WWOX: variants seen among roughly 807,000 people sequenced by gnomAD.
WWOX encodes WW domain containing oxidoreductase.
Under a neutral mutation model 46.2 loss-of-function variants are expected in WWOX, and 69 were observed. The observed-to-expected ratio is 1.49, with a 90% CI of 1.23 to 1.82. The LOEUF (loss-of-function observed/expected upper bound fraction) is 1.82. Ranked by LOEUF, WWOX falls within the 40% of genes most tolerant of loss-of-function variation. The pLI, the probability that WWOX is intolerant of heterozygous loss-of-function variation, is 0.00. For missense variants in WWOX, 919 were observed against 542.6 expected (o/e 1.69, Z -6.89); for synonymous variants, 359 against 202.6 (o/e 1.77, Z -6.56).
At chr16:78,508,236 C>T (rs925511881) in intron 8 of WWOX, among the ~76,000 whole-genome samples, 1 of 150,854 alleles carries the variant, frequency 6.6e-6, no homozygotes, top group Non-Finnish European at 1.5e-5. Flanking sequence ...GTCTTGAACT[C>T]CTGATCTCAG....
chr16:78,570,051 A>T (rs1250783434), intron 8 of WWOX, among the ~76,000 whole-genome samples: 2 of 152,224 alleles, frequency 1.3e-5, no homozygotes. Flanking sequence ...TATAAATATA[A>T]AGAAAATACA....
At chr16:78,188,375 C>A (rs1239659404) in intron 5 of WWOX, among the ~76,000 whole-genome samples, 1 of 151,702 alleles carries the variant, frequency 6.6e-6, no homozygotes, top group Non-Finnish European at 1.5e-5. Context: ...GTAGTCCCAG[C>A]TACTCGGGAG....
At chr16:78,177,783 C>A (rs570452544) in intron 5 of WWOX, among the ~76,000 whole-genome samples, 2 of 152,222 alleles carry the variant, frequency 1.3e-5, no homozygotes, top group South Asian at 4.2e-4. Context: ...GCTGAATTAG[C>A]GAGGGGAGTG....
chr16:79,001,929 C>G (rs2047100913), intron 8 of WWOX, among the ~76,000 whole-genome samples: 1 of 151,824 alleles, frequency 6.6e-6, no homozygotes, highest in Non-Finnish European at 1.5e-5. Context: ...CATAGTGAGA[C>G]TGGAGGGAAG....
chr16:78,518,492 A>G (rs1310480022), intron 8 of WWOX, among the ~76,000 whole-genome samples: 4 of 152,176 alleles, frequency 2.6e-5, no homozygotes, highest in African/African-American at 9.7e-5. Flanking sequence ...AATTGCTGGG[A>G]TTACAGACGT....
At chr16:79,180,995 A>G (rs1271248776) in intron 8 of WWOX, among the ~76,000 whole-genome samples, 1 of 152,190 alleles carries the variant, frequency 6.6e-6, no homozygotes, top group Non-Finnish European at 1.5e-5. Context: ...CTGATTTTTT[A>G]GCGTATTAGA....
intron 8 of WWOX, among the ~76,000 whole-genome samples, chr16:78,442,569 T>A (rs13333164): frequency 0.063 from 9,520 of 152,220 alleles, 460 homozygotes; most frequent in South Asian, 0.16. Context: ...TGCGCCTGGC[T>A]TATTTTACGA....
chr16:78,483,604 C>T (rs903298384), intron 8 of WWOX, among the ~76,000 whole-genome samples: 2 of 152,028 alleles, frequency 1.3e-5, no homozygotes, highest in South Asian at 2.1e-4. Context: ...TAACCTTTGA[C>T]CCCCTTCACA....
intron 8 of WWOX, among the ~76,000 whole-genome samples, chr16:78,734,247 T>A (rs189458498): frequency 6.6e-6 from 1 of 152,190 alleles, no homozygotes; most frequent in Non-Finnish European, 1.5e-5. Context: ...TGGTTTTTTT[T>A]ATAAGTGCAA....
chr16:78,777,795 C>T (rs2050227990), intron 8 of WWOX, among the ~76,000 whole-genome samples: 1 of 152,042 alleles, frequency 6.6e-6, no homozygotes, highest in South Asian at 2.1e-4. Flanking sequence ...GCCTGTAATC[C>T]CAGCACTTTG....
chr16:79,129,140 G>A (rs769383336), intron 8 of WWOX, among the ~76,000 whole-genome samples: 1 of 151,990 alleles, frequency 6.6e-6, no homozygotes, highest in African/African-American at 2.4e-5. Context: ...GTTGCCTCCT[G>A]TATCTCAGTA....
At chr16:78,873,325 C>G (rs912119807) in intron 8 of WWOX, 1 of 152,164 alleles carries the variant, frequency 6.6e-6, no homozygotes, top group African/African-American at 2.4e-5. Context: ...GGACTAGCTC[C>G]TATTATCAGA....
At chr16:78,893,757 C>T (rs373826586) in intron 8 of WWOX, among the ~76,000 whole-genome samples, 7 of 152,100 alleles carry the variant, frequency 4.6e-5, no homozygotes, top group African/African-American at 7.2e-5. Context: ...TCATACATTA[C>T]GTGCCTTTCT....
chr16:78,362,320 A>G (rs899549448), intron 5 of WWOX, among the ~76,000 whole-genome samples: 2 of 152,170 alleles, frequency 1.3e-5, no homozygotes, highest in Non-Finnish European at 2.9e-5. Flanking sequence ...GGATAAAGAA[A>G]AAAACAGGAC....
chr16:78,295,549 T>C (rs2079931283), intron 5 of WWOX, among the ~76,000 whole-genome samples: 1 of 151,996 alleles, frequency 6.6e-6, no homozygotes, highest in Admixed American at 6.6e-5. Flanking sequence ...CTGTCTCTAC[T>C]AAAATACAAA....
At chr16:78,196,859 A>C (rs1289978963) in intron 5 of WWOX, among the ~76,000 whole-genome samples, 1 of 152,228 alleles carries the variant, frequency 6.6e-6, no homozygotes, top group African/African-American at 2.4e-5. Context: ...AGTCATGGTA[A>C]GATCCACAAG....
chr16:78,242,298 T>C (rs2037677230), intron 5 of WWOX, among the ~76,000 whole-genome samples: 1 of 152,222 alleles, frequency 6.6e-6, no homozygotes, highest in Admixed American at 6.5e-5. Context: ...CCCAGCTATT[T>C]AACTTAAGCA....
In WWOX at chr16:78,641,365, C is replaced by T. The variant is rs182701767; in HGVS notation, c.1056+208613C>T. 4.6e-5 allele frequency among the ~76,000 whole-genome samples: 7 copies of T among 152,130 alleles called. No homozygotes were observed. The East Asian group carries it at 1.2e-3, about 25-fold the overall frequency. ...TTAATTAGAAGCCTGGAAGGACATA[C>T]CCTTTAATTGCTGCACTTGTAGTGT... On this transcript the variant is annotated intron_variant, in intron 8 of 8. Coordinates refer to ENST00000566780, the MANE Select transcript of WWOX (RefSeq NM_016373.4).
chr16:78,422,533 G>GAT (rs2082956620), intron 6 of WWOX, among the ~76,000 whole-genome samples: 1 of 150,212 alleles, frequency 6.7e-6, no homozygotes, highest in African/African-American at 2.4e-5. Flanking sequence ...TTGTTGTTGA[G>GAT]ATGGGGTCTT....
Sources: allele counts gnomAD v4.1 joint callset (sites outside exome capture counted in the v4.1 genomes callset), GRCh38; gene constraint gnomAD v4.1.1; transcripts MANE v1.5; gene names NCBI Gene and HGNC (gene_info 2026-07-23, HGNC 2026-07-21).